Variants in TMEM8B observed in about 807,000 individuals in gnomAD.
The protein encoded by TMEM8B is nasopharyngeal carcinoma expressed 6.
TMEM8B carries 29 observed loss-of-function variants against 49.3 expected under a neutral mutation model. The ratio of observed to expected loss-of-function variants is 0.59; its 90% CI spans 0.44 to 0.80. The LOEUF is 0.80. Among genes scored for constraint, TMEM8B ranks in the 30% least tolerant of loss-of-function variants. The pLI is 0.00. For missense variants in TMEM8B, 575 were observed against 658.5 expected (o/e 0.87, Z 1.39); for synonymous variants, 264 against 272.8 (o/e 0.97, Z 0.32).
At chr9:35,833,554 A>G (rs1830129949) in intron 1 of TMEM8B, among the ~76,000 whole-genome samples, 1 of 152,124 alleles carries the variant, frequency 6.6e-6, no homozygotes, top group Non-Finnish European at 1.5e-5. Context: ...AATCATGATC[A>G]GGTATCTTGG....
chr9:35,846,634 G>T lies in TMEM8B; in HGVS notation c.1996+23G>T, dbSNP rs373246957. The T allele has an allele frequency of 3.2e-6, 5 of 1,570,946 alleles. No homozygotes were observed. In the African/African-American group the frequency reaches 6.7e-5, roughly 21 times the overall value. On this transcript the variant is annotated intron_variant, in intron 9 of 12. Coordinates refer to ENST00000643932, the MANE Select transcript of TMEM8B (RefSeq NM_001042590.4). ...CCGGTGAGCAGGCTGGCGAGGGAGCGGGCTGCGGTGGACTGGAGGTGGACC... is the reference window on the plus strand; with the variant it reads ...CCGGTGAGCAGGCTGGCGAGGGAGCTGGCTGCGGTGGACTGGAGGTGGACC...
Position 35,864,232 on chromosome 9 carries a change from A to G in TMEM8B, c.*10392A>G, listed in dbSNP as rs981353596. The G allele has an allele frequency of 1.3e-5, 2 of 152,174 alleles. No homozygotes were observed. The highest frequency in any genetic ancestry group is 4.8e-5 in the African/African-American group (2 of 41,424). 9.4% of individuals were successfully genotyped at this position (152,174 alleles called of 1,614,324 possible). ...CCTCATATGTTTCTAGCAACTTCCA[A>G]CCTGAGGTCTGATAGACCCAGGGTT... On this transcript the variant is annotated 3_prime_UTR_variant, in exon 13 of 13. Coordinates refer to ENST00000643932, the MANE Select transcript of TMEM8B (RefSeq NM_001042590.4).
Position 35,853,989 on chromosome 9 carries a change from G to C in TMEM8B, c.*149G>C, listed in dbSNP as rs1832395349. The C allele has an allele frequency of 4.4e-6, 6 of 1,359,986 alleles. No individual in the cohort carries two copies. The South Asian group carries it at 1.0e-4, about 24-fold the overall frequency. 84.2% of individuals were successfully genotyped at this position (1,359,986 alleles called of 1,614,324 possible). ...CACAAAACTCTTCCAGGGACCTGGA[G>C]CCCTTCCCAGGACATGGAGAACTTC... On this transcript the variant is annotated 3_prime_UTR_variant, in exon 13 of 13. Transcript: ENST00000643932. The surrounding 1 kb of genome is among the most constrained non-coding windows in gnomAD (Gnocchi z 4.2).
intron 10 of TMEM8B, 67 bp from the exon 11 acceptor site, chr9:35,852,760 C>A: frequency 6.3e-7 from 1 of 1,597,846 alleles, no homozygotes; most frequent in African/African-American, 1.3e-5. Flanking sequence ...CTGGGCCCAC[C>A]CCTCCGGTTT....
rs562492263 is a variant in TMEM8B, at chr9:35,853,516, C to A, written c.2451C>A (p.Ser817Arg). The A allele has an allele frequency of 4.3e-6, 7 of 1,612,248 alleles. No individual in the cohort carries two copies. Among genetic ancestry groups the A allele is most frequent in the Non-Finnish European group, 5.9e-6 (7 of 1,179,478 alleles). Residue 817 changes from serine to arginine, a missense_variant, in exon 13 of 13, where the codon AGC becomes AGA. Ser to Arg is a moderately radical substitution (Grantham distance 110, BLOSUM62 -1). Coordinates refer to ENST00000643932, the MANE Select transcript of TMEM8B (RefSeq NM_001042590.4). The surrounding 1 kb of genome is among the most constrained non-coding windows in gnomAD (Gnocchi z 4.2). Reference sequence around the variant, plus strand: ...TCTGTCTCCCCCAGACAGTACGCAGCGTCCGCCGCCGGCACTGCTACCCAC... The same window carrying A: ...TCTGTCTCCCCCAGACAGTACGCAGAGTCCGCCGCCGGCACTGCTACCCAC... ...GILATAWTVR[S>R]VRRRHCYPPT...
Position 35,836,877 on chromosome 9 carries a change from G to A in TMEM8B, c.906+1659G>A, listed in dbSNP as rs552259992. On this transcript the variant is annotated intron_variant, in intron 3 of 12. Transcript: ENST00000643932. ...GGCAGTGGGTCTGGACGCCGTGAGA[G>A]ATGTAGTGCTTCCATCAGCCCTGTT... Among the ~76,000 whole-genome samples the A allele has an allele frequency of 2.0e-5, 3 of 152,308 alleles. No individual in the cohort carries two copies. The South Asian group carries it at 6.2e-4, about 32-fold the overall frequency.
At position 35,845,993 on chromosome 9, in the gene TMEM8B, A is replaced by G; in HGVS notation, c.1654A>G (p.Asn552Asp). The stretch of plus-strand genomic sequence containing the variant: ...TCCCCAGAGCTCCGTGCGCCAGGAA[A>G]ACGTGACGGTGTTTGGATGCTTGAC... Reference protein sequence around the residue: ...QLNASSVRQENVTVFGCLTHE... With the variant: ...QLNASSVRQEDVTVFGCLTHE... Residue 552 changes from asparagine (N) to aspartate (D), a missense_variant, in exon 7 of 13, where the codon AAC (asparagine) becomes GAC (aspartate). Physicochemically the swap from Asn to Asp is conservative, Grantham distance 23. Coordinates refer to ENST00000643932, the MANE Select transcript of TMEM8B (RefSeq NM_001042590.4). The G allele has an allele frequency of 6.2e-7, 1 of 1,613,928 alleles. No homozygotes were observed. Among genetic ancestry groups the G allele is most frequent in the African/African-American group, 1.3e-5 (1 of 74,964 alleles).
At position 35,858,546 on chromosome 9, in the gene TMEM8B, G is replaced by A. The variant is rs10491555; in HGVS notation, c.*4706G>A. ...ACTTGGCAGCAGCCCGTGAAGGATA[G>A]ATGGTCAGGATAAAGAAAGCCAAAC... On this transcript the variant is annotated 3_prime_UTR_variant, in exon 13 of 13. Transcript: ENST00000643932. 0.2 allele frequency: 31,090 copies of A among 152,246 alleles called. 3,409 individuals carry two copies. The highest frequency in any genetic ancestry group is 0.36 in the East Asian group (1,845 of 5,166). The allele number at this position is 152,246 out of a possible 1,614,324, so 9.4% of individuals were successfully genotyped here.
At chr9:35,843,127 ATTT>A (rs1212734278) in intron 6 of TMEM8B, among the ~76,000 whole-genome samples, 1 of 152,098 alleles carries the variant, frequency 6.6e-6, no homozygotes, top group East Asian at 1.9e-4. Context: ...GTCTCCATGA[ATTT>A]TTTACCCACT....
intron 10 of TMEM8B, 111 bp from the exon 11 acceptor site, chr9:35,852,716 T>C (rs1832262537): frequency 7.8e-7 from 1 of 1,275,742 alleles, no homozygotes. Flanking sequence ...CTGTGACCTT[T>C]CACCTCTGCT....
At position 35,854,508 on chromosome 9, in the gene TMEM8B, A is replaced by C. The variant is rs1310335987; in HGVS notation, c.*668A>C. On this transcript the variant is annotated 3_prime_UTR_variant, in exon 13 of 13. Coordinates refer to ENST00000643932, the MANE Select transcript of TMEM8B (RefSeq NM_001042590.4). ...AAAGAGGGCCCCTCAGGGAATCAGC[A>C]GGGCTGATGGGAGCTACTGCCGGAG... is the stretch of plus-strand genomic sequence containing the variant. 1 of 152,208 alleles carries C rather than the reference A, an allele frequency of 6.6e-6. No homozygotes were observed. The highest frequency in any genetic ancestry group is 1.5e-5 in the Non-Finnish European group (1 of 68,126). 9.4% of individuals were successfully genotyped at this position (152,208 alleles called of 1,614,324 possible). A position where few individuals can be genotyped will look rare whatever the true frequency, so the allele number is the denominator to read the frequency against.
chr9:35,844,760 C>A (rs1831354936), intron 6 of TMEM8B, among the ~76,000 whole-genome samples: 1 of 152,200 alleles, frequency 6.6e-6, no homozygotes, highest in Non-Finnish European at 1.5e-5. Flanking sequence ...AAGCCTAGCC[C>A]TCCTGCAGCC....
chr9:35,838,833 T>G (rs1174129195), intron 3 of TMEM8B, among the ~76,000 whole-genome samples: 1 of 152,232 alleles, frequency 6.6e-6, no homozygotes, highest in Non-Finnish European at 1.5e-5. Flanking sequence ...TCTTGTCTCC[T>G]TATTCCTCAC....
At chr9:35,832,864 T>A (rs964465427) in intron 1 of TMEM8B, among the ~76,000 whole-genome samples, 2 of 152,158 alleles carry the variant, frequency 1.3e-5, no homozygotes, top group African/African-American at 4.8e-5. Flanking sequence ...GTCTCTTCCA[T>A]CAGTCGGTCC....
In TMEM8B at chr9:35,832,674, C is replaced by T. The variant is rs557420111; in HGVS notation, c.509-1787C>T. ...AGGGACTGACCAACATTTCTCCTAA[C>T]GGTAGCAATGGTTGATCAGATGACC... is the stretch of plus-strand genomic sequence containing the variant. On this transcript the variant is annotated intron_variant, in intron 1 of 12. Coordinates refer to ENST00000643932, the MANE Select transcript of TMEM8B (RefSeq NM_001042590.4). Among the ~76,000 whole-genome samples, 8 of 152,306 alleles carry T rather than the reference C, an allele frequency of 5.3e-5. No individual in the cohort carries two copies. The South Asian group carries it at 1.0e-3, about 20-fold the overall frequency.
At chr9:35,837,227 A>G (rs1416732393) in intron 3 of TMEM8B, among the ~76,000 whole-genome samples, 1 of 152,106 alleles carries the variant, frequency 6.6e-6, no homozygotes, top group Non-Finnish European at 1.5e-5. Context: ...ATGAGCTCAG[A>G]TCTCCCTTTA....
At chr9:35,843,789 G>C (rs913455667) in intron 6 of TMEM8B, among the ~76,000 whole-genome samples, 1 of 152,012 alleles carries the variant, frequency 6.6e-6, no homozygotes, top group East Asian at 1.9e-4. Flanking sequence ...TTGAGACGGA[G>C]TCTCACTCTG....
In TMEM8B at chr9:35,842,869, G is replaced by A. The variant is rs1011320985; in HGVS notation, c.1635+152G>A. ...AGGGACCATGGCTCAGCCCAATTCT[G>A]GTCAACAAACATGTCCTGAGTATTC... On this transcript the variant is annotated intron_variant, in intron 6 of 12. Coordinates refer to ENST00000643932, the MANE Select transcript of TMEM8B (RefSeq NM_001042590.4). The surrounding 1 kb of genome is among the most constrained non-coding windows in gnomAD (Gnocchi z 5.6). 9.2e-6 allele frequency: 7 copies of A among 764,164 alleles called. No individual in the cohort carries two copies. The African/African-American group carries it at 1.1e-4, about 12-fold the overall frequency. 47.3% of individuals were successfully genotyped at this position (764,164 alleles called of 1,614,324 possible).
rs571753174 is a variant in TMEM8B at position 35,841,169 on chromosome 9, G to A, written c.942G>A (p.Pro314=). 11 of 415,986 alleles carry A rather than the reference G, an allele frequency of 2.6e-5. No individual in the cohort carries two copies. In the South Asian group the frequency reaches 5.0e-4, roughly 19 times the overall value. 25.8% of individuals were successfully genotyped at this position (415,986 alleles called of 1,614,324 possible). A position where few individuals can be genotyped will look rare whatever the true frequency, so the allele number is the denominator to read the frequency against. ...ATGAGTGTCAGTACCTCCTTCAGCCGCAGCTGATTGTCCGGCGTTTGCTGG... is the reference window on the plus strand; with the variant it reads ...ATGAGTGTCAGTACCTCCTTCAGCCACAGCTGATTGTCCGGCGTTTGCTGG... ...LQDECQYLLQ[P]QLIVRRLLDV... The change falls in exon 4 of 13, where the codon CCG becomes CCA. Residue 314 remains proline, a synonymous_variant. Transcript: ENST00000643932. This position sits in a 1 kb window ranked among gnomAD's most constrained non-coding sequence, Gnocchi z 5.9.
Sources: gnomAD v4.1 joint callset for allele counts (sites outside exome capture counted in the v4.1 genomes callset) on GRCh38, gnomAD v4.1.1 for gene constraint, Gnocchi (gnomAD v3.1) non-coding constraint, MANE v1.5 for transcripts, NCBI Gene and HGNC (gene_info 2026-07-23, HGNC 2026-07-21) for gene names.